The following GLIS3 variants were observed in gnomAD, a reference collection of about 807,000 sequenced individuals.
GLIS3 encodes the protein zinc finger protein GLIS3.
GLIS3 carries 53 observed loss-of-function variants against 78.6 expected under a neutral mutation model. The observed-to-expected ratio is 0.67, with a 90% CI of 0.54 to 0.85. The LOEUF (loss-of-function observed/expected upper bound fraction) is 0.85. Among genes scored for constraint, GLIS3 ranks in the 40% least tolerant of loss-of-function variants. The pLI is 0.00. For synonymous variants in GLIS3, 684 were observed against 509.9 expected (o/e 1.34, Z -4.60); for missense variants, 1,703 against 1,231.1 (o/e 1.38, Z -5.74).
At position 3,932,477 on chromosome 9, in the gene GLIS3, G is replaced by T; in HGVS notation, c.1873-7C>A. The T allele has an allele frequency of 6.3e-7, 1 of 1,587,122 alleles. No individual in the cohort carries two copies. The highest frequency in any genetic ancestry group is 1.1e-5 in the South Asian group (1 of 90,532). On this transcript the variant is annotated splice_polypyrimidine_tract_variant and splice_region_variant and intron_variant, in intron 5 of 10. Coordinates refer to ENST00000381971, the MANE Select transcript of GLIS3 (RefSeq NM_001042413.2). ...TTTGACAAGCATAAGGTTTCTAAATGAGAAAGAAAGAAAGAAACAGCTGTG... is the reference window on the plus strand; with the variant it reads ...TTTGACAAGCATAAGGTTTCTAAATTAGAAAGAAAGAAAGAAACAGCTGTG...
chr9:3,844,027 T>A (rs1471389794), intron 9 of GLIS3, among the ~76,000 whole-genome samples: 1 of 152,118 alleles, frequency 6.6e-6, no homozygotes, highest in Non-Finnish European at 1.5e-5. Context: ...AGAGGGGAAA[T>A]TCCTGTAATC....
intron 2 of GLIS3, among the ~76,000 whole-genome samples, chr9:4,255,585 A>G (rs1230070927): frequency 6.6e-6 from 1 of 152,210 alleles, no homozygotes; most frequent in African/African-American, 2.4e-5. Flanking sequence ...ACTTAAATGC[A>G]TATTACTAAG....
At chr9:4,395,777 CT>C in the GLIS3 span, among the ~76,000 whole-genome samples, 9,149 of 127,576 alleles carry the variant, frequency 0.072, 573 homozygotes, top group East Asian at 0.24. Context: ...TTCTTTTTTT[CT>C]TTTTTTTTTT....
intron 5 of GLIS3, among the ~76,000 whole-genome samples, chr9:3,936,412 T>C (rs1447377425): frequency 6.6e-6 from 1 of 152,178 alleles, no homozygotes; most frequent in East Asian, 1.9e-4. Flanking sequence ...ATTGTTCTCA[T>C]AGGGTTGATG....
At chr9:4,430,486 T>G in the GLIS3 span, among the ~76,000 whole-genome samples, 1 of 152,240 alleles carries the variant, frequency 6.6e-6, no homozygotes, top group Non-Finnish European at 1.5e-5. Flanking sequence ...GCAAAATATT[T>G]GGGCAGGGCC....
chr9:4,260,568 A>G (rs1825423544), intron 2 of GLIS3, among the ~76,000 whole-genome samples: 1 of 139,058 alleles, frequency 7.2e-6, no homozygotes, highest in Non-Finnish European at 1.5e-5. Flanking sequence ...CTCTGTCTCA[A>G]AAAAAAAAAA....
At chr9:4,321,456 A>AAAAAAAAAAAAAC (rs1817527074) in intron 2 of GLIS3, among the ~76,000 whole-genome samples, 1 of 145,214 alleles carries the variant, frequency 6.9e-6, no homozygotes, top group Non-Finnish European at 1.5e-5. Context: ...AAAAAAAAAA[A>AAAAAAAAAAAAAC]AAAAAAATCA....
the GLIS3 span, among the ~76,000 whole-genome samples, chr9:4,374,372 C>T: frequency 2.0e-4 from 31 of 152,326 alleles, no homozygotes; most frequent in Non-Finnish European, 4.3e-4. Context: ...GACTGTTCTC[C>T]GGGCTCCTTG....
chr9:4,192,669 T>C (rs1198645339), intron 2 of GLIS3, among the ~76,000 whole-genome samples: 1 of 152,190 alleles, frequency 6.6e-6, no homozygotes, highest in Non-Finnish European at 1.5e-5. Flanking sequence ...CAAATATTTA[T>C]GAAGAGCCTA....
chr9:4,381,793 T>C, the GLIS3 span, among the ~76,000 whole-genome samples: 10 of 152,204 alleles, frequency 6.6e-5, no homozygotes, highest in Non-Finnish European at 1.5e-4. Context: ...TGGCTTTCTG[T>C]TATGTCTGGC....
intron 4 of GLIS3, among the ~76,000 whole-genome samples, chr9:3,957,671 A>G (rs1817229831): frequency 6.6e-6 from 1 of 152,248 alleles, no homozygotes; most frequent in Admixed American, 6.5e-5. Flanking sequence ...ACTCTGGAAA[A>G]CAGACAAAGA....
intron 4 of GLIS3, among the ~76,000 whole-genome samples, chr9:4,117,315 G>C (rs1412616628): frequency 6.6e-6 from 1 of 152,208 alleles, no homozygotes; most frequent in African/African-American, 2.4e-5. Flanking sequence ...TAAGTGGTGA[G>C]TTCCTTTTCA....
At chr9:4,419,866 G>C in the GLIS3 span, among the ~76,000 whole-genome samples, 1 of 152,112 alleles carries the variant, frequency 6.6e-6, no homozygotes, top group East Asian at 1.9e-4. Flanking sequence ...TACCAAGGGA[G>C]AAATCTGCCC....
At chr9:4,032,004 A>G (rs959924232) in intron 4 of GLIS3, among the ~76,000 whole-genome samples, 1 of 152,214 alleles carries the variant, frequency 6.6e-6, no homozygotes, top group Admixed American at 6.5e-5. Context: ...GCAAAATCAA[A>G]GGAGCCCAGG....
intron 4 of GLIS3, among the ~76,000 whole-genome samples, chr9:4,111,520 A>T (rs1480879579): frequency 6.6e-6 from 1 of 152,234 alleles, no homozygotes; most frequent in Non-Finnish European, 1.5e-5. Flanking sequence ...GCAGGTTTCT[A>T]AACTGTGTTT....
At chr9:4,087,280 A>G (rs72687942) in intron 4 of GLIS3, among the ~76,000 whole-genome samples, 1 of 152,182 alleles carries the variant, frequency 6.6e-6, no homozygotes, top group African/African-American at 2.4e-5. Context: ...CCATGGATAA[A>G]CATTTATTAT....
At chr9:4,339,751 C>T (rs1489246796) in intron 2 of GLIS3, among the ~76,000 whole-genome samples, 4 of 52,280 alleles carry the variant, frequency 7.7e-5, no homozygotes, top group Non-Finnish European at 1.4e-4. Flanking sequence ...AGAAGCTTCT[C>T]ACTGGGATCA....
At chr9:3,947,318 C>T (rs1028836078) in intron 4 of GLIS3, among the ~76,000 whole-genome samples, 2 of 152,230 alleles carry the variant, frequency 1.3e-5, no homozygotes, top group African/African-American at 2.4e-5. Flanking sequence ...TTTCCCAAAA[C>T]GATTGCTGAA....
intron 2 of GLIS3, among the ~76,000 whole-genome samples, chr9:4,207,111 C>G (rs777962720): frequency 6.6e-6 from 1 of 152,200 alleles, no homozygotes; most frequent in East Asian, 1.9e-4. Flanking sequence ...GGCTACACTT[C>G]CCAATCCATA....
Sources: allele counts gnomAD v4.1 joint callset (sites outside exome capture counted in the v4.1 genomes callset), GRCh38; gene constraint gnomAD v4.1.1; transcripts MANE v1.5; gene names NCBI Gene and HGNC (gene_info 2026-07-23, HGNC 2026-07-21).